Variants in SEMA4D observed in about 807,000 individuals in gnomAD.
SEMA4D encodes semaphorin 4D.
A neutral mutation model predicts 74.8 loss-of-function variants in SEMA4D; 22 were observed. The observed-to-expected ratio is 0.29, with a 90% confidence interval of 0.21 to 0.42. The LOEUF (loss-of-function observed/expected upper bound fraction) is 0.42. Among genes scored for constraint, SEMA4D ranks in the 10% least tolerant of loss-of-function variants. SEMA4D has a pLI of 1.00. For missense variants in SEMA4D, 937 were observed against 1,118.4 expected (o/e 0.84, Z 2.31); for synonymous variants, 445 against 463.7 (o/e 0.96, Z 0.52).
At chr9:89,453,058 TAC>T (rs1219175370) in intron 2 of SEMA4D, among the ~76,000 whole-genome samples, 2 of 152,192 alleles carry the variant, frequency 1.3e-5, no homozygotes, top group East Asian at 1.9e-4. Context: ...TAATTAAATC[TAC>T]AGTCTTCCTG....
intron 2 of SEMA4D, among the ~76,000 whole-genome samples, chr9:89,449,328 G>A (rs1587976694): frequency 6.6e-6 from 1 of 152,248 alleles, no homozygotes; most frequent in South Asian, 2.1e-4. Context: ...CTGAGCAGGA[G>A]AGGAAGTCAA....
At chr9:89,422,461 AAG>A (rs1346258449) in intron 2 of SEMA4D, among the ~76,000 whole-genome samples, 5 of 152,196 alleles carry the variant, frequency 3.3e-5, no homozygotes, top group African/African-American at 7.2e-5. Flanking sequence ...GGAGCCATGC[AAG>A]AGGAGACCTG....
intron 2 of SEMA4D, among the ~76,000 whole-genome samples, chr9:89,452,240 G>A (rs533936429): frequency 2.7e-5 from 4 of 149,754 alleles, no homozygotes; most frequent in South Asian, 4.2e-4. Context: ...GTGCAGTGGC[G>A]CAATCTCGGC....
At chr9:89,387,107 G>A (rs774303111) in intron 12 of SEMA4D, 39 of 370,208 alleles carry the variant, frequency 1.1e-4, no homozygotes, top group Non-Finnish European at 1.5e-4. Flanking sequence ...CCAACTCCTC[G>A]GCGGCCAGTA....
chr9:89,431,214 C>T (rs781507328), intron 2 of SEMA4D, among the ~76,000 whole-genome samples: 2 of 152,236 alleles, frequency 1.3e-5, no homozygotes, highest in Non-Finnish European at 1.5e-5. Context: ...CTGACTGGCA[C>T]GTTCCAAGCT....
Position 89,469,804 on chromosome 9 carries a change from T to C in SEMA4D, c.-309-13851A>G, listed in dbSNP as rs558525962. On this transcript the variant is annotated intron_variant, in intron 1 of 15. Transcript: ENST00000422704. The stretch of plus-strand genomic sequence containing the variant: ...TATGGAAAACTCACAGCTAACATCA[T>C]ATTTCATGGTGGCAGACAGATGCTT... 9.9e-5 allele frequency among the ~76,000 whole-genome samples: 15 copies of C among 152,238 alleles called. No homozygotes were observed. In the South Asian group the frequency reaches 1.0e-3, roughly 10 times the overall value.
chr9:89,422,055 T>G (rs1847079362), intron 2 of SEMA4D, among the ~76,000 whole-genome samples: 1 of 152,126 alleles, frequency 6.6e-6, no homozygotes, highest in African/African-American at 2.4e-5. Flanking sequence ...ATTTGAAAAA[T>G]TCAAGAAAGG....
At position 89,420,674 on chromosome 9, in the gene SEMA4D, C is replaced by A. The variant is rs146439278; in HGVS notation, c.-243-14975G>T. 2.1e-3 allele frequency among the ~76,000 whole-genome samples: 318 copies of A among 152,372 alleles called. 1 individual carries two copies. Among genetic ancestry groups the A allele is most frequent in the African/African-American group, 6.7e-3 (279 of 41,592 alleles). On this transcript the variant is annotated intron_variant, in intron 2 of 15. Transcript: ENST00000422704. ...ACTCCCTAAGCAGGGACCTGGTGTT[C>A]TTCAGCACACAGAGAAGACAAGTGG...
At chr9:89,440,900 A>G (rs1359843319) in intron 2 of SEMA4D, among the ~76,000 whole-genome samples, 1 of 152,248 alleles carries the variant, frequency 6.6e-6, no homozygotes, top group Non-Finnish European at 1.5e-5. Flanking sequence ...TTGGACCTGA[A>G]GGGTGAGGTG....
intron 1 of SEMA4D, among the ~76,000 whole-genome samples, chr9:89,493,120 G>C (rs1420163920): frequency 2.6e-5 from 4 of 152,224 alleles, no homozygotes; most frequent in African/African-American, 9.6e-5. Flanking sequence ...GGAGGGCCCT[G>C]AAAGGTAAGC....
intron 2 of SEMA4D, among the ~76,000 whole-genome samples, chr9:89,415,894 T>C (rs939502210): frequency 6.6e-6 from 1 of 152,184 alleles, no homozygotes; most frequent in Non-Finnish European, 1.5e-5. Context: ...GCGCCTTTGA[T>C]ATGACACTAA....
At chr9:89,454,449 C>T (rs534668002) in intron 2 of SEMA4D, among the ~76,000 whole-genome samples, 10 of 152,290 alleles carry the variant, frequency 6.6e-5, no homozygotes, top group African/African-American at 1.9e-4. Flanking sequence ...CCTCTATTTC[C>T]ACACCAGATC....
chr9:89,422,702 T>C (rs1847237542), intron 2 of SEMA4D, among the ~76,000 whole-genome samples: 1 of 152,246 alleles, frequency 6.6e-6, no homozygotes, highest in African/African-American at 2.4e-5. Context: ...AATTCATTTT[T>C]CTTTAACCAC....
intron 2 of SEMA4D, among the ~76,000 whole-genome samples, chr9:89,408,667 A>T (rs1390460928): frequency 6.6e-6 from 1 of 151,536 alleles, no homozygotes; most frequent in East Asian, 1.9e-4. Context: ...GCGCCACTAG[A>T]GGAGGAGGAG....
downstream of SEMA4D, chr9:89,376,238 G>T (rs925158780): frequency 2.0e-5 from 3 of 152,212 alleles, no homozygotes; most frequent in Non-Finnish European, 2.9e-5. Context: ...ATTGTTAGCA[G>T]AAATAGAAGC....
At position 89,378,491 on chromosome 9, in the gene SEMA4D, T is replaced by G. The variant is rs892868840; in HGVS notation, c.*213A>C. The G allele has an allele frequency of 2.3e-5, 13 of 561,276 alleles. No homozygotes were observed. The highest frequency in any genetic ancestry group is 3.5e-5 in the Non-Finnish European group (11 of 314,802). 34.8% of individuals were successfully genotyped at this position (561,276 alleles called of 1,614,324 possible). ...CTGACTTCGGAACACAAGACTGGGA[T>G]GCAATGCTTGTCATTTTTCCAAAAG... On this transcript the variant is annotated 3_prime_UTR_variant, in exon 16 of 16. Transcript: ENST00000422704.
At chr9:89,400,780 T>G (rs538017431) in intron 4 of SEMA4D, among the ~76,000 whole-genome samples, 1 of 135,016 alleles carries the variant, frequency 7.4e-6, no homozygotes, top group Non-Finnish European at 1.6e-5. Flanking sequence ...GGGGGTCTCT[T>G]TATTTTTTTC....
In SEMA4D at chr9:89,449,066, AAAC is replaced by A. The variant is rs746401264; in HGVS notation, c.-244+6819_-244+6821del. On this transcript the variant is annotated intron_variant, in intron 2 of 15. Transcript: ENST00000422704. ...ACACTGTGTAAGTCTTACCCACAGA[AAAC>A]AAGGGAGACACAAGCCCGGATAGCA... Among the ~76,000 whole-genome samples, 20 of 152,330 alleles carry A rather than the reference AAAC, an allele frequency of 1.3e-4. No individual in the cohort carries two copies. In the Middle Eastern group the frequency reaches 0.017, roughly 130 times the overall value.
intron 2 of SEMA4D, among the ~76,000 whole-genome samples, chr9:89,430,290 C>T (rs547182617): frequency 1.3e-5 from 2 of 152,330 alleles, no homozygotes; most frequent in South Asian, 2.1e-4. Flanking sequence ...AGAGCAAACC[C>T]TCCAGACAGC....
Sources: allele counts gnomAD v4.1 joint callset (sites outside exome capture counted in the v4.1 genomes callset), GRCh38; gene constraint gnomAD v4.1.1; transcripts MANE v1.5; gene names NCBI Gene and HGNC (gene_info 2026-07-23, HGNC 2026-07-21).